Variants in GPR107 observed in about 807,000 individuals in gnomAD.
GPR107 encodes the protein G protein-coupled receptor 107, also known as protein GPR107.
In GPR107, 31 loss-of-function variants were observed where a neutral mutation model predicts 75.5. The ratio of observed to expected loss-of-function variants is 0.41; its 90% confidence interval spans 0.31 to 0.55. The LOEUF is 0.55. Among genes scored for constraint, GPR107 ranks in the 20% least tolerant of loss-of-function variants. GPR107 has a pLI of 0.26. For missense variants in GPR107, 572 were observed against 665.7 expected (o/e 0.86, Z 1.55); for synonymous variants, 267 against 251.3 (o/e 1.06, Z -0.59).
intron 15 of GPR107, among the ~76,000 whole-genome samples, chr9:130,126,674 C>T (rs1157905938): frequency 6.6e-6 from 1 of 152,120 alleles, no homozygotes; most frequent in East Asian, 1.9e-4. Context: ...TTCATCTGTT[C>T]GTTTGGCATT....
chr9:130,062,177 G>T (rs770748761), intron 1 of GPR107, among the ~76,000 whole-genome samples: 2 of 151,972 alleles, frequency 1.3e-5, no homozygotes, highest in Non-Finnish European at 2.9e-5. Context: ...CACTTTAGGA[G>T]GCCAAGGCGG....
chr9:130,072,169 GT>G (rs1830225152), intron 1 of GPR107, among the ~76,000 whole-genome samples: 1 of 151,318 alleles, frequency 6.6e-6, no homozygotes, highest in Admixed American at 6.6e-5. Flanking sequence ...GTTTCACCAT[GT>G]TGGCCAGGCT....
At chr9:130,071,534 T>G (rs1830211737) in intron 1 of GPR107, among the ~76,000 whole-genome samples, 1 of 152,032 alleles carries the variant, frequency 6.6e-6, no homozygotes, top group Non-Finnish European at 1.5e-5. Context: ...ATCGCTACCG[T>G]GGGGCTGCTT....
In GPR107 at chr9:130,124,469, A is replaced by G. The variant is rs571744383; in HGVS notation, c.1307-446A>G. On this transcript the variant is annotated intron_variant, in intron 14 of 17. Coordinates refer to ENST00000347136, the MANE Select transcript of GPR107 (RefSeq NM_020960.5). ...GTGGGTTTATTGAATTTACACCCTC[A>G]GCTAGTGGGAGACCCCCCCAGGTGG... is the stretch of plus-strand genomic sequence containing the variant. Among the ~76,000 whole-genome samples, 22 of 152,336 alleles carry G rather than the reference A, an allele frequency of 1.4e-4. 1 individual carries two copies. The highest frequency in any genetic ancestry group is 1.4e-3 in the Admixed American group (21 of 15,300).
chr9:130,100,395 G>A (rs60341798), intron 10 of GPR107, among the ~76,000 whole-genome samples: 1,652 of 152,316 alleles, frequency 0.011, 31 homozygotes, highest in African/African-American at 0.038. Flanking sequence ...AACTTCTCCT[G>A]TCTGTGGGCC....
intron 1 of GPR107, 144 bp downstream of exon 1, chr9:130,054,217 G>T (rs1234051429): frequency 4.8e-6 from 4 of 840,254 alleles, no homozygotes; most frequent in Non-Finnish European, 7.1e-6. Context: ...AGGTGGCGGG[G>T]TCTGTGGGGA....
rs1389457883 is a variant in GPR107 at position 130,062,648 on chromosome 9, GCCTGCCTGCCTGCCTT to G, written c.141+8579_141+8594del. On this transcript the variant is annotated intron_variant, in intron 1 of 17. Coordinates refer to ENST00000347136, the MANE Select transcript of GPR107 (RefSeq NM_020960.5). ...TTCCTGCCTTCCTGCCTGCCTGCCTGCCTGCCTGCCTGCCTTCCTTCCTTCCTTCCTTCCTTCCTTC... is the reference window on the plus strand; with the variant it reads ...TTCCTGCCTTCCTGCCTGCCTGCCTGCCTTCCTTCCTTCCTTCCTTCCTTC... 6.5e-3 allele frequency among the ~76,000 whole-genome samples: 623 copies of G among 95,430 alleles called. 3 individuals carry two copies. The highest frequency in any genetic ancestry group is 0.028 in the East Asian group (51 of 1,832). The allele number at this position is 95,430 out of a possible 152,430, so 62.6% of individuals were successfully genotyped here.
At chr9:130,097,153 T>TA in intron 9 of GPR107, among the ~76,000 whole-genome samples, 2 of 64,040 alleles carry the variant, frequency 3.1e-5, no homozygotes, top group African/African-American at 4.7e-5. Flanking sequence ...TTTCTTTTTT[T>TA]TCTTTTTTTT....
chr9:130,067,752 C>CCCT (rs1554890696), intron 1 of GPR107, among the ~76,000 whole-genome samples: 14 of 116,828 alleles, frequency 1.2e-4, no homozygotes, highest in African/African-American at 2.9e-4. Flanking sequence ...CCACCGCCCC[C>CCCT]TTTTTTTTTT....
chr9:130,080,978 A>C (rs867223578), intron 5 of GPR107, among the ~76,000 whole-genome samples: 7 of 143,442 alleles, frequency 4.9e-5, no homozygotes, highest in Admixed American at 1.4e-4. Context: ...GGGAGGCCAA[A>C]GTGGGAGGAT....
In GPR107 at chr9:130,127,470, C is replaced by T. The variant is rs907206443; in HGVS notation, c.1357-13C>T. ...TGTTGATCTGATTTCCTGTTTCTTT[C>T]CTCCTCATGCAGATTGTGTGTTACA... On this transcript the variant is annotated splice_polypyrimidine_tract_variant and intron_variant, in intron 15 of 17. Coordinates refer to ENST00000347136, the MANE Select transcript of GPR107 (RefSeq NM_020960.5). 2.7e-5 allele frequency: 38 copies of T among 1,421,674 alleles called. No homozygotes were observed. The highest frequency in any genetic ancestry group is 3.7e-5 in the Non-Finnish European group (37 of 1,007,150). The allele number at this position is 1,421,674 out of a possible 1,614,324, so 88.1% of individuals were successfully genotyped here. A position where few individuals can be genotyped will look rare whatever the true frequency, so the allele number is the denominator to read the frequency against.
At chr9:130,075,541 C>T (rs1177548869) in intron 1 of GPR107, 95 bp from the exon 2 acceptor site, 2 of 689,780 alleles carry the variant, frequency 2.9e-6, no homozygotes, top group Non-Finnish European at 5.2e-6. Flanking sequence ...CCACCGTGCC[C>T]AGCCTGATAT....
chr9:130,097,403 C>A (rs1830901519), intron 9 of GPR107, among the ~76,000 whole-genome samples: 1 of 151,922 alleles, frequency 6.6e-6, no homozygotes, highest in Non-Finnish European at 1.5e-5. Flanking sequence ...GATCCTCCCG[C>A]CTCGGCCTCC....
chr9:130,072,577 G>C (rs1432929668), intron 1 of GPR107, among the ~76,000 whole-genome samples: 1 of 152,014 alleles, frequency 6.6e-6, no homozygotes, highest in East Asian at 1.9e-4. Flanking sequence ...AAAGTGCTGG[G>C]ATTACTGCCA....
At position 130,067,205 on chromosome 9, in the gene GPR107, CTAA is replaced by C. The variant is rs372592994; in HGVS notation, c.142-8426_142-8424del. Among the ~76,000 whole-genome samples the C allele has an allele frequency of 2.5e-3, 378 of 152,218 alleles. 9 individuals carry two copies. The South Asian group carries it at 0.062, about 25-fold the overall frequency. ...ACGCAGAAAGGTTGAGACTACTGAG[CTAA>C]TAATGATAACTGTTTTGAGCTTATT... On this transcript the variant is annotated intron_variant, in intron 1 of 17. Coordinates refer to ENST00000347136, the MANE Select transcript of GPR107 (RefSeq NM_020960.5).
chr9:130,092,529 G>A (rs958972144), intron 9 of GPR107, 148 bp downstream of exon 9: 17 of 683,534 alleles, frequency 2.5e-5, no homozygotes, highest in Non-Finnish European at 3.9e-5. Flanking sequence ...AAGATTGTGC[G>A]GGAGCATTAT....
At chr9:130,123,156 C>T (rs567358800) in intron 14 of GPR107, among the ~76,000 whole-genome samples, 2 of 152,302 alleles carry the variant, frequency 1.3e-5, no homozygotes, top group South Asian at 4.2e-4. Flanking sequence ...GCGCCTCCCA[C>T]CTCTGTTTCC....
At chr9:130,125,597 C>CTTTTTTTTTTTTTTT (rs71387321) in intron 15 of GPR107, among the ~76,000 whole-genome samples, 1 of 103,136 alleles carries the variant, frequency 9.7e-6, no homozygotes, top group Non-Finnish European at 1.9e-5. Context: ...ATCTGAGTTC[C>CTTTTTTTTTTTTTTT]TTTTTTTTTT....
rs1270767634 is a variant in GPR107, at chr9:130,079,692, A to G, written c.449A>G (p.Asp150Gly). Reference sequence around the variant, plus strand: ...TTACCAAAGATCATCTTCAGCAGGGATGAGAAAGTCCTTGGTCAGAGCCAG... The same window carrying G: ...TTACCAAAGATCATCTTCAGCAGGGGTGAGAAAGTCCTTGGTCAGAGCCAG... ...TQLPKIIFSRDEKVLGQSQEP... is the reference protein window; with the variant it reads ...TQLPKIIFSRGEKVLGQSQEP... Residue 150 changes from aspartate to glycine, a missense_variant, in exon 5 of 18, where the codon GAT becomes GGT. Asp to Gly is a moderately conservative substitution (Grantham distance 94). Coordinates refer to ENST00000347136, the MANE Select transcript of GPR107 (RefSeq NM_020960.5). The G allele has an allele frequency of 3.1e-6, 5 of 1,612,450 alleles. No homozygotes were observed. The highest frequency in any genetic ancestry group is 4.5e-5 in the East Asian group (2 of 44,884).
Sources: gnomAD v4.1 joint callset for allele counts (sites outside exome capture counted in the v4.1 genomes callset) on GRCh38, gnomAD v4.1.1 for gene constraint, MANE v1.5 for transcripts, NCBI Gene and HGNC (gene_info 2026-07-23, HGNC 2026-07-21) for gene names.